The following TRIT1 variants were observed in gnomAD, a reference collection of about 807,000 sequenced individuals.
TRIT1 encodes tRNA isopentenyltransferase 1, also known as tRNA dimethylallyltransferase.
Under a neutral mutation model 51.2 loss-of-function variants are expected in TRIT1, and 43 were observed. That is an observed-to-expected ratio of 0.84 (90% confidence interval 0.66 to 1.08). The LOEUF is 1.08. Among genes scored for constraint, TRIT1 ranks in the 50% least tolerant of loss-of-function variants. The pLI is 0.00. For synonymous variants in TRIT1, 184 were observed against 203.9 expected, an observed-to-expected ratio of 0.90 and a Z score of 0.83; for missense variants, 528 against 578.4, an observed-to-expected ratio of 0.91 and a Z score of 0.89.
chr1:39,851,848 C>CT (rs1240631405), intron 4 of TRIT1, among the ~76,000 whole-genome samples: 1 of 150,816 alleles, frequency 6.6e-6, no homozygotes, highest in African/African-American at 2.4e-5. Context: ...CTCAGGAGGC[C>CT]GAGGCAGGAG....
chr1:39,844,035 T>TA, intron 10 of TRIT1, 66 bp downstream of exon 10: 1 of 1,159,436 alleles, frequency 8.6e-7, no homozygotes, highest in South Asian at 1.3e-5. Flanking sequence ...CCAAAGACTC[T>TA]AAATTTCATG....
chr1:39,847,114 A>G, intron 8 of TRIT1, 106 bp downstream of exon 8: 1 of 900,194 alleles, frequency 1.1e-6, no homozygotes, highest in Non-Finnish European at 1.7e-6. Context: ...CAGATCCAAA[A>G]TCTTAGAACA....
intron 1 of TRIT1, among the ~76,000 whole-genome samples, chr1:39,865,994 G>A (rs1643524794): frequency 1.4e-5 from 2 of 147,788 alleles, no homozygotes; most frequent in African/African-American, 2.5e-5. Flanking sequence ...AGAAAGAAAG[G>A]GAGGAAAGAA....
At chr1:39,880,477 T>C (rs568867657) in intron 1 of TRIT1, among the ~76,000 whole-genome samples, 29 of 152,238 alleles carry the variant, frequency 1.9e-4, no homozygotes. Context: ...CTCAAGTCAC[T>C]GAAAAGCAGC....
At chr1:39,880,945 C>T (rs541792617) in intron 1 of TRIT1, among the ~76,000 whole-genome samples, 1 of 152,228 alleles carries the variant, frequency 6.6e-6, no homozygotes, top group Admixed American at 6.5e-5. Context: ...AGGCTGGGTG[C>T]AGTGCCTCAC....
chr1:39,849,703 C>T (rs904411043), intron 5 of TRIT1, among the ~76,000 whole-genome samples: 3 of 152,218 alleles, frequency 2.0e-5, no homozygotes, highest in African/African-American at 4.8e-5. Context: ...ACTACTATCA[C>T]GGACATAATT....
chr1:39,848,166 T>G (rs1642347815), intron 5 of TRIT1, 69 bp from the exon 6 acceptor site: 2 of 1,134,660 alleles, frequency 1.8e-6, no homozygotes, highest in Admixed American at 1.9e-5. Context: ...ACATGACGAG[T>G]GAACAGGTGG....
At chr1:39,878,436 A>AT (rs1644139614) in intron 1 of TRIT1, among the ~76,000 whole-genome samples, 1 of 152,222 alleles carries the variant, frequency 6.6e-6, no homozygotes, top group Non-Finnish European at 1.5e-5. Context: ...GTTGCCTTGG[A>AT]TGACCCTACA....
chr1:39,870,052 G>T (rs994947939), intron 1 of TRIT1, among the ~76,000 whole-genome samples: 1 of 152,238 alleles, frequency 6.6e-6, no homozygotes, highest in Non-Finnish European at 1.5e-5. Context: ...TGACGATGGC[G>T]GTTTTGTCAA....
rs942189345 is a variant in TRIT1, at chr1:39,839,076, T to C, written c.*2668A>G. On this transcript the variant is annotated 3_prime_UTR_variant, in exon 11 of 11. Coordinates refer to ENST00000316891, the MANE Select transcript of TRIT1 (RefSeq NM_017646.6). Reference sequence around the variant, plus strand: ...AGAAGTATCTAAAGCCTAATCAAGATTTTTACTGACAGAAGCAGATGAACC... The same window carrying C: ...AGAAGTATCTAAAGCCTAATCAAGACTTTTACTGACAGAAGCAGATGAACC... Among the ~76,000 whole-genome samples the C allele has an allele frequency of 1.3e-5, 2 of 152,216 alleles. No homozygotes were observed. The highest frequency in any genetic ancestry group is 4.8e-5 in the African/African-American group (2 of 41,458).
chr1:39,865,184 TC>T (rs1182223708), intron 1 of TRIT1, among the ~76,000 whole-genome samples: 1 of 152,226 alleles, frequency 6.6e-6, no homozygotes, highest in Non-Finnish European at 1.5e-5. Context: ...TTGAGCTCTC[TC>T]CCCTTCATAA....
chr1:39,853,403 GTTT>G (rs3835696), intron 3 of TRIT1, among the ~76,000 whole-genome samples: 24,629 of 147,742 alleles, frequency 0.17, 2,242 homozygotes, highest in Non-Finnish European at 0.22. Flanking sequence ...AATCGCATCT[GTTT>G]TTTTTTTTGA....
At chr1:39,843,233 A>G (rs1642023034) in intron 10 of TRIT1, among the ~76,000 whole-genome samples, 1 of 152,172 alleles carries the variant, frequency 6.6e-6, no homozygotes, top group Non-Finnish European at 1.5e-5. Flanking sequence ...AGAAAAATCT[A>G]CTTCTCTGAG....
intron 1 of TRIT1, among the ~76,000 whole-genome samples, chr1:39,869,768 G>C (rs991563924): frequency 1.3e-5 from 2 of 151,974 alleles, no homozygotes; most frequent in African/African-American, 4.8e-5. Context: ...ACCCCATCTG[G>C]GAGGTGAGGA....
chr1:39,862,923 G>A (rs560038553), intron 1 of TRIT1: 2 of 985,334 alleles, frequency 2.0e-6, no homozygotes, highest in South Asian at 9.4e-5. Flanking sequence ...TTCTCCCAAA[G>A]GATACTTGTG....
At chr1:39,843,418 C>T (rs1642033167) in intron 10 of TRIT1, among the ~76,000 whole-genome samples, 1 of 152,122 alleles carries the variant, frequency 6.6e-6, no homozygotes, top group South Asian at 2.1e-4. Flanking sequence ...TCTGAAAATC[C>T]AATGATGTGT....
At chr1:39,869,086 C>T (rs1362369982) in intron 1 of TRIT1, among the ~76,000 whole-genome samples, 1 of 151,698 alleles carries the variant, frequency 6.6e-6, no homozygotes, top group South Asian at 2.1e-4. Flanking sequence ...TCTCCCTCTC[C>T]CCCTCCCCCT....
intron 3 of TRIT1, 95 bp downstream of exon 3, chr1:39,853,875 A>C: frequency 1.2e-6 from 1 of 819,632 alleles, no homozygotes; most frequent in South Asian, 1.7e-5. Context: ...GCTGGGTATA[A>C]GAAATAGGCA....
chr1:39,880,268 T>TCAAAAAA (rs1553148796), intron 1 of TRIT1, among the ~76,000 whole-genome samples: 1 of 94,888 alleles, frequency 1.1e-5, no homozygotes, highest in Non-Finnish European at 2.1e-5. Context: ...AGACCTCAAA[T>TCAAAAAA]AAAAAAAAAA....
Sources: gnomAD v4.1 joint callset for allele counts (sites outside exome capture counted in the v4.1 genomes callset) on GRCh38, gnomAD v4.1.1 for gene constraint, MANE v1.5 for transcripts, NCBI Gene and HGNC (gene_info 2026-07-23, HGNC 2026-07-21) for gene names.